The following UHRF1 variants were observed in gnomAD, a reference collection of about 807,000 sequenced individuals.
UHRF1 encodes E3 ubiquitin-protein ligase UHRF1.
A neutral mutation model predicts 96.5 loss-of-function variants in UHRF1; 9 were observed. The observed-to-expected ratio is 0.09, with a 90% CI of 0.06 to 0.16. The LOEUF (loss-of-function observed/expected upper bound fraction) is 0.16, where lower values mean the gene tolerates loss of function less well. UHRF1 is among the 10% of genes least tolerant of loss of function. The probability of loss-of-function intolerance (pLI) is 1.00; values close to 1 mark genes in which losing one functional copy is unlikely to be tolerated. For synonymous variants in UHRF1, 455 were observed against 469.9 expected (o/e 0.97, Z 0.41); for missense variants, 626 against 1,131.1 (o/e 0.55, Z 6.40).
chr19:4,926,452 C>T (rs897146105), intron 2 of UHRF1, among the ~76,000 whole-genome samples: 5 of 152,268 alleles, frequency 3.3e-5, no homozygotes, highest in Admixed American at 6.5e-5. Flanking sequence ...GGTGGGCCCT[C>T]GATGTCCACG....
At chr19:4,921,435 G>A (rs1247899300) in intron 2 of UHRF1, among the ~76,000 whole-genome samples, 2 of 149,452 alleles carry the variant, frequency 1.3e-5, no homozygotes, top group Non-Finnish European at 3.0e-5. Context: ...GTGAAACTCC[G>A]TTTCAAAAAA....
At chr19:4,944,741 C>G (rs2033512675) in intron 9 of UHRF1, among the ~76,000 whole-genome samples, 1 of 152,224 alleles carries the variant, frequency 6.6e-6, no homozygotes. Flanking sequence ...GGACCTGTCT[C>G]AGCGCTGGTT....
intron 2 of UHRF1, among the ~76,000 whole-genome samples, chr19:4,916,688 C>T (rs1283630010): frequency 6.6e-6 from 1 of 152,240 alleles, no homozygotes; most frequent in Non-Finnish European, 1.5e-5. Flanking sequence ...TGTCTAGGAT[C>T]CTCCTGCATC....
intron 11 of UHRF1, among the ~76,000 whole-genome samples, chr19:4,947,928 CA>C (rs1472802636): frequency 6.6e-6 from 1 of 151,400 alleles, no homozygotes; most frequent in African/African-American, 2.4e-5. Flanking sequence ...TGAGACAACC[CA>C]TCTACAAAAA....
In UHRF1 at chr19:4,909,668, G is replaced by T; in HGVS notation, c.-11+13G>T. 1 of 528,430 alleles carries T rather than the reference G, an allele frequency of 1.9e-6. No homozygotes were observed. The allele number at this position is 528,430 out of a possible 1,614,324, so 32.7% of individuals were successfully genotyped here. A position where few individuals can be genotyped will look rare whatever the true frequency, so the allele number is the denominator to read the frequency against. On this transcript the variant is annotated intron_variant, in intron 1 of 16. Coordinates refer to ENST00000650932, the MANE Select transcript of UHRF1 (RefSeq NM_001048201.3). ...GGCGACCGGAGAGGTGAGCGGGCGG[G>T]CCGGGTCGGGGTGCCAGCCCGGGCC... is the stretch of plus-strand genomic sequence containing the variant.
At chr19:4,923,915 G>T (rs900164343) in intron 2 of UHRF1, among the ~76,000 whole-genome samples, 1 of 152,196 alleles carries the variant, frequency 6.6e-6, no homozygotes, top group African/African-American at 2.4e-5. Flanking sequence ...CCCTCTGAGC[G>T]CCGTGTGGCT....
At chr19:4,952,284 G>A (rs576524172) in intron 13 of UHRF1, among the ~76,000 whole-genome samples, 1 of 151,960 alleles carries the variant, frequency 6.6e-6, no homozygotes, top group Admixed American at 6.6e-5. Context: ...AGTAGAGACG[G>A]GGTTTCACCA....
chr19:4,944,736 T>C (rs919489879), intron 9 of UHRF1, among the ~76,000 whole-genome samples: 1 of 152,224 alleles, frequency 6.6e-6, no homozygotes, highest in Non-Finnish European at 1.5e-5. Flanking sequence ...AAGAGGGACC[T>C]GTCTCAGCGC....
rs765399496 is a variant in UHRF1 at position 4,941,784 on chromosome 19, T to C, written c.926T>C (p.Val309Ala). The change falls in exon 7 of 17, where the codon GTG (valine) becomes GCG (alanine). Residue 309 changes from valine (V) to alanine (A), a missense_variant. By Grantham distance (64) the Val-to-Ala change is moderately conservative. This residue lies in a region of UHRF1 where 198 missense variants were observed against 235.1 expected (regional missense o/e 0.84). Transcript: ENST00000650932. ...TCCTGCAAGCACTGCAAGGACGACG[T>C]GAACAGACTCTGCCGGGTCTGCGCC... ...GPSCKHCKDD[V>A]NRLCRVCACH... 5.1e-6 allele frequency: 8 copies of C among 1,570,456 alleles called. No homozygotes were observed. In the East Asian group the frequency reaches 1.4e-4, roughly 27 times the overall value.
At chr19:4,959,932 C>T (rs1308524016) in intron 16 of UHRF1, among the ~76,000 whole-genome samples, 1 of 152,230 alleles carries the variant, frequency 6.6e-6, no homozygotes. Context: ...GTGATCTCAG[C>T]TCACTGCAAC....
At position 4,954,512 on chromosome 19, in the gene UHRF1, T is replaced by C. The variant is rs1305166371; in HGVS notation, c.1957+24T>C. ...AGGTGAGAATCTCGTGGGTGTGGGGTGAGCGTCTTGTGTGTGGGGGAGCAG... is the reference window on the plus strand; with the variant it reads ...AGGTGAGAATCTCGTGGGTGTGGGGCGAGCGTCTTGTGTGTGGGGGAGCAG... On this transcript the variant is annotated intron_variant, in intron 14 of 16. Transcript: ENST00000650932. This position sits in a 1 kb window ranked among gnomAD's most constrained non-coding sequence, Gnocchi z 5.9. The C allele has an allele frequency of 3.1e-6, 5 of 1,596,888 alleles. No individual in the cohort carries two copies. The highest frequency in any genetic ancestry group is 4.3e-6 in the Non-Finnish European group (5 of 1,169,126).
At chr19:4,935,697 C>G (rs879878237) in intron 5 of UHRF1, among the ~76,000 whole-genome samples, 7 of 152,058 alleles carry the variant, frequency 4.6e-5, no homozygotes, top group Admixed American at 4.6e-4. Flanking sequence ...TATAGAGCAT[C>G]GTGTGATGTG....
rs532671937 is a variant in UHRF1 at position 4,926,107 on chromosome 19, G to A, written c.154-3115G>A. On this transcript the variant is annotated intron_variant, in intron 2 of 16. Coordinates refer to ENST00000650932, the MANE Select transcript of UHRF1 (RefSeq NM_001048201.3). ...AGACAGGTTTCACCATGTTGGCCAG[G>A]CTGGTCTTGAACTCCTGACCTCGTG... Among the ~76,000 whole-genome samples the A allele has an allele frequency of 3.8e-3, 578 of 151,188 alleles. 3 individuals are homozygous for A. Among genetic ancestry groups the A allele is most frequent in the South Asian group, 6.7e-3 (32 of 4,774 alleles).
At chr19:4,916,400 C>T (rs544430648) in intron 2 of UHRF1, among the ~76,000 whole-genome samples, 36 of 152,184 alleles carry the variant, frequency 2.4e-4, no homozygotes, top group Non-Finnish European at 3.4e-4. Context: ...ATGGCGGAGC[C>T]GTCCCTGGTG....
At chr19:4,951,098 T>G in intron 13 of UHRF1, 102 bp downstream of exon 13, 1 of 1,405,358 alleles carries the variant, frequency 7.1e-7, no homozygotes, top group South Asian at 1.5e-5. Flanking sequence ...AAACCTCATC[T>G]CTACTAAAAA....
At chr19:4,909,336 T>C, upstream of UHRF1, 1 of 583,906 alleles carries the variant, frequency 1.7e-6, no homozygotes, top group Non-Finnish European at 3.0e-6. Context: ...GGCGGAGCCG[T>C]GGCCCACTAG....
chr19:4,904,504 A>C (rs558567845), upstream of UHRF1, among the ~76,000 whole-genome samples: 3 of 152,038 alleles, frequency 2.0e-5, no homozygotes, highest in African/African-American at 7.2e-5. Flanking sequence ...TAGTAGAGAC[A>C]GGGTTTCACC....
At chr19:4,958,198 G>C (rs534160801) in intron 16 of UHRF1, among the ~76,000 whole-genome samples, 1 of 152,244 alleles carries the variant, frequency 6.6e-6, no homozygotes, top group Non-Finnish European at 1.5e-5. Flanking sequence ...AGTGCCCTGA[G>C]TGAGGTGGCA....
chr19:4,913,807 C>CTTTTTT (rs11341952), intron 2 of UHRF1, among the ~76,000 whole-genome samples: 4 of 110,154 alleles, frequency 3.6e-5, no homozygotes, highest in African/African-American at 8.2e-5. Context: ...CATGCAGTAG[C>CTTTTTT]TTTTTTTTTT....
Sources: gnomAD v4.1 joint callset for allele counts (sites outside exome capture counted in the v4.1 genomes callset) on GRCh38, gnomAD v4.1.1 for gene constraint, gnomAD v4.1.1 regional missense constraint, Gnocchi (gnomAD v3.1) non-coding constraint, MANE v1.5 for transcripts, NCBI Gene and HGNC (gene_info 2026-07-23, HGNC 2026-07-21) for gene names.